The following RAB37 variants were observed in gnomAD, a reference collection of about 807,000 sequenced individuals.
The protein encoded by RAB37 is ras-related protein Rab-37.
A neutral mutation model predicts 33.1 loss-of-function variants in RAB37; 29 were observed. That is an observed-to-expected ratio of 0.88 (90% CI 0.65 to 1.20). The LOEUF is 1.20. Ranked by LOEUF, RAB37 falls within the 50% of genes most tolerant of loss-of-function variation. The pLI is 0.00. For synonymous variants in RAB37, 128 were observed against 119.5 expected, an observed-to-expected ratio of 1.07 and a Z score of -0.47; for missense variants, 299 against 301.1, an observed-to-expected ratio of 0.99 and a Z score of 0.05.
chr17:74,683,934 G>A (rs1166081413), intron 1 of RAB37, among the ~76,000 whole-genome samples: 1 of 152,192 alleles, frequency 6.6e-6, no homozygotes, highest in Non-Finnish European at 1.5e-5. Context: ...CAGACAGTCC[G>A]AAGGTGGGTG....
At chr17:74,681,944 G>C (rs1247172520) in intron 1 of RAB37, among the ~76,000 whole-genome samples, 1 of 152,182 alleles carries the variant, frequency 6.6e-6, no homozygotes, top group African/African-American at 2.4e-5. Context: ...CTTAGAGTAG[G>C]AGGCAGCTCA....
In RAB37 at chr17:74,744,219, G is replaced by A. The variant is rs1268553149; in HGVS notation, c.367-89G>A. On this transcript the variant is annotated intron_variant, in intron 5 of 8. Transcript: ENST00000392613. This position sits in a 1 kb window ranked among gnomAD's most constrained non-coding sequence, Gnocchi z 4.2. ...CGCACAGGGTATCGTGTTCAAGGTA[G>A]TGAGTAACTGAGGATAGTCAAACGG... 2.4e-6 allele frequency: 3 copies of A among 1,251,246 alleles called. No homozygotes were observed. The highest frequency in any genetic ancestry group is 3.4e-6 in the Non-Finnish European group (3 of 874,954). 77.5% of individuals were successfully genotyped at this position (1,251,246 alleles called of 1,614,324 possible). A position where few individuals can be genotyped will look rare whatever the true frequency, so the allele number is the denominator to read the frequency against.
intron 1 of RAB37, chr17:74,704,956 AC>A (rs1253244929): frequency 4.3e-6 from 3 of 695,814 alleles, no homozygotes; most frequent in Non-Finnish European, 7.2e-6. Context: ...CGCAGACAAA[AC>A]TTTTGTCCTT....
intron 1 of RAB37, among the ~76,000 whole-genome samples, chr17:74,708,355 T>C (rs1264255721): frequency 6.6e-6 from 1 of 151,916 alleles, no homozygotes; most frequent in Non-Finnish European, 1.5e-5. Flanking sequence ...AAAGAAGAAA[T>C]AATGTCTATT....
intron 1 of RAB37, among the ~76,000 whole-genome samples, chr17:74,685,130 A>G (rs939010870): frequency 1.3e-5 from 2 of 151,172 alleles, no homozygotes; most frequent in Admixed American, 6.6e-5. Flanking sequence ...GAAGGCTCCT[A>G]TAGGTAGCTG....
chr17:74,733,049 T>A (rs998806914), upstream of RAB37, among the ~76,000 whole-genome samples: 2 of 151,914 alleles, frequency 1.3e-5, no homozygotes, highest in South Asian at 2.1e-4. Flanking sequence ...GATATACACA[T>A]TTGGTGATGG....
chr17:74,684,773 G>C (rs1326199293), intron 1 of RAB37, among the ~76,000 whole-genome samples: 2 of 152,122 alleles, frequency 1.3e-5, no homozygotes, highest in Non-Finnish European at 2.9e-5. Context: ...CTGGGTGACA[G>C]AGCAAGGTTC....
chr17:74,701,140 T>G (rs1003038477), intron 1 of RAB37, among the ~76,000 whole-genome samples: 1 of 152,252 alleles, frequency 6.6e-6, no homozygotes, highest in African/African-American at 2.4e-5. Context: ...TCTGAGGTAT[T>G]TTGTTAGGGG....
chr17:74,704,537 C>T lies in RAB37; in HGVS notation c.73-24719C>T, dbSNP rs2033349125. 8 of 1,614,068 alleles carry T rather than the reference C, an allele frequency of 5.0e-6. No homozygotes were observed. The highest frequency in any genetic ancestry group is 5.9e-6 in the Non-Finnish European group (7 of 1,180,042). Reference sequence around the variant, plus strand: ...GTCATTTCCAGTTTTCTCAATTCCACACCAGTAAGTGTCAGCATCAGTTTT... The same window carrying T: ...GTCATTTCCAGTTTTCTCAATTCCATACCAGTAAGTGTCAGCATCAGTTTT... On this transcript the variant is annotated intron_variant, in intron 1 of 7. Coordinates refer to the RAB37 transcript ENST00000340415.
At chr17:74,726,659 G>T (rs778319034) in intron 1 of RAB37, among the ~76,000 whole-genome samples, 1 of 152,152 alleles carries the variant, frequency 6.6e-6, no homozygotes, top group African/African-American at 2.4e-5. Flanking sequence ...GGTGGGTGGG[G>T]GCACAGTCAT....
At chr17:74,695,944 C>G in intron 1 of RAB37, 1 of 1,477,212 alleles carries the variant, frequency 6.8e-7, no homozygotes, top group Non-Finnish European at 9.2e-7. Context: ...GGACGAGAGC[C>G]TCTCCACTTC....
intron 1 of RAB37, among the ~76,000 whole-genome samples, chr17:74,684,863 A>AGAT (rs2032023429): frequency 7.0e-6 from 1 of 143,224 alleles, no homozygotes; most frequent in South Asian, 2.2e-4. Context: ...TGAGATAGAT[A>AGAT]GATAGATAGA....
chr17:74,744,849 G>T lies in RAB37; in HGVS notation c.433-24G>T. 6.2e-7 allele frequency: 1 copy of T among 1,614,194 alleles called. No homozygotes were observed. The highest frequency in any genetic ancestry group is 1.1e-5 in the South Asian group (1 of 91,070). On this transcript the variant is annotated intron_variant, in intron 6 of 8. Transcript: ENST00000392613. This position sits in a 1 kb window ranked among gnomAD's most constrained non-coding sequence, Gnocchi z 4.2. Reference sequence around the variant, plus strand: ...GCTGGGGCGGAGGCCTCCTTCCCCAGAGTGACCCATTTGGGCTTGACAGGC... The same window carrying T: ...GCTGGGGCGGAGGCCTCCTTCCCCATAGTGACCCATTTGGGCTTGACAGGC...
At position 74,745,729 on chromosome 17, in the gene RAB37, T is replaced by C. The variant is rs1262079149; in HGVS notation, c.*318T>C. On this transcript the variant is annotated 3_prime_UTR_variant, in exon 9 of 9. Coordinates refer to ENST00000392613, the MANE Select transcript of RAB37 (RefSeq NM_001006638.3). The surrounding 1 kb of genome is among the most constrained non-coding windows in gnomAD (Gnocchi z 4.5). ...TTTCTAGGACTTGGGGGGCCGGCCCTCCCTCCTAAGCATAACAAAGGTGGT... is the reference window on the plus strand; with the variant it reads ...TTTCTAGGACTTGGGGGGCCGGCCCCCCCTCCTAAGCATAACAAAGGTGGT... The C allele has an allele frequency of 7.0e-6, 2 of 284,804 alleles. No homozygotes were observed. Among genetic ancestry groups the C allele is most frequent in the Non-Finnish European group, 1.3e-5 (2 of 149,420 alleles). The allele number at this position is 284,804 out of a possible 1,614,324, so 17.6% of individuals were successfully genotyped here. A position where few individuals can be genotyped will look rare whatever the true frequency, so the allele number is the denominator to read the frequency against.
intron 1 of RAB37, among the ~76,000 whole-genome samples, chr17:74,715,484 T>TA (rs1369420026): frequency 2.0e-5 from 3 of 152,204 alleles, no homozygotes; most frequent in African/African-American, 4.8e-5. Flanking sequence ...ACCATGCAGA[T>TA]ACTCAGAGAG....
intron 1 of RAB37, among the ~76,000 whole-genome samples, chr17:74,719,740 T>C (rs953565166): frequency 2.6e-5 from 4 of 152,190 alleles, no homozygotes; most frequent in Admixed American, 2.6e-4. Flanking sequence ...GGTCTCGAAC[T>C]CCTGGGCTCA....
At chr17:74,733,558 GGT>G (rs1307340002), upstream of RAB37, among the ~76,000 whole-genome samples, 16 of 7,408 alleles carry the variant, frequency 2.2e-3, no homozygotes, top group Non-Finnish European at 6.0e-3. Context: ...TATGGTCTGA[GGT>G]GTGTGTGTGT....
In RAB37 at chr17:74,706,720, C is replaced by T. The variant is rs151196286; in HGVS notation, c.73-22536C>T. ...CCAGCAGTTCAAGCACAACAACCAA[C>T]GGCGCGGACAGAGGGCCTCAGTGTC... On this transcript the variant is annotated intron_variant, in intron 1 of 7. Transcript: ENST00000340415. 3.4e-3 allele frequency among the ~76,000 whole-genome samples: 519 copies of T among 152,242 alleles called. 1 individual carries two copies. Among genetic ancestry groups the T allele is most frequent in the Non-Finnish European group, 4.0e-3 (274 of 68,034 alleles).
At position 74,671,632 on chromosome 17, in the gene RAB37, G is replaced by A. The variant is rs749015289; in HGVS notation, c.46G>A (p.Asp16Asn). ...TTCCTACCAGGGAGGAGCTGGCCCT[G>A]ACTTCAACGACCACGTCCTGCATAA... is the stretch of plus-strand genomic sequence containing the variant. The change falls in exon 1 of 8, where the codon GAC becomes AAC. Residue 16 changes from aspartate to asparagine, a missense_variant. Asp to Asn is a conservative substitution (Grantham distance 23). Coordinates refer to the RAB37 transcript ENST00000340415. The surrounding 1 kb of genome is among the most constrained non-coding windows in gnomAD (Gnocchi z 5.0). The A allele has an allele frequency of 1.2e-6, 2 of 1,614,124 alleles. No individual in the cohort carries two copies. Among genetic ancestry groups the A allele is most frequent in the African/African-American group, 2.7e-5 (2 of 74,958 alleles).
Sources: gnomAD v4.1 joint callset for allele counts (sites outside exome capture counted in the v4.1 genomes callset) on GRCh38, gnomAD v4.1.1 for gene constraint, Gnocchi (gnomAD v3.1) non-coding constraint, MANE v1.5 for transcripts, NCBI Gene and HGNC (gene_info 2026-07-23, HGNC 2026-07-21) for gene names.